TRAF3IP1: variants seen among roughly 807,000 people sequenced by gnomAD.
TRAF3IP1 encodes the protein intraflagellar transport 54, also known as TRAF3-interacting protein 1.
TRAF3IP1 carries 53 observed loss-of-function variants against 89.9 expected under a neutral mutation model. That is an observed-to-expected ratio of 0.59 (90% CI 0.47 to 0.74). TRAF3IP1 has a LOEUF of 0.74. Among genes scored for constraint, TRAF3IP1 ranks in the 30% least tolerant of loss-of-function variants. The probability of loss-of-function intolerance (pLI) is 0.00; values close to 1 mark genes in which losing one functional copy is unlikely to be tolerated. For missense variants in TRAF3IP1, 806 were observed against 866.1 expected (o/e 0.93, Z 0.87); for synonymous variants, 311 against 322.1 (o/e 0.97, Z 0.37).
At chr2:238,321,903 C>G (rs1211980303) in intron 1 of TRAF3IP1, among the ~76,000 whole-genome samples, 1 of 152,230 alleles carries the variant, frequency 6.6e-6, no homozygotes, top group Non-Finnish European at 1.5e-5. Flanking sequence ...ACAGACTTTG[C>G]TTTACTGGTT....
Position 238,320,704 on chromosome 2 carries a change from G to A in TRAF3IP1, c.42G>A (p.Gly14=). 6.9e-7 allele frequency: 1 copy of A among 1,440,054 alleles called. No homozygotes were observed. The allele number at this position is 1,440,054 out of a possible 1,614,324, so 89.2% of individuals were successfully genotyped here. A position where few individuals can be genotyped will look rare whatever the true frequency, so the allele number is the denominator to read the frequency against. The part of the protein sequence containing the change: ...AVVRRTQEAL[G]KVIRRPPLTE... Reference sequence around the variant, plus strand: ...TGAGGCGGACGCAGGAGGCGCTGGGGAAAGTGATTCGGAGGCCGCCGCTGA... The same window carrying A: ...TGAGGCGGACGCAGGAGGCGCTGGGAAAAGTGATTCGGAGGCCGCCGCTGA... The change falls in exon 1 of 17, where the codon GGG becomes GGA. Residue 14 remains glycine (G), a synonymous_variant. Coordinates refer to ENST00000373327, the MANE Select transcript of TRAF3IP1 (RefSeq NM_015650.4).
At chr2:238,349,019 CTATA>C (rs924601841) in intron 11 of TRAF3IP1, among the ~76,000 whole-genome samples, 171 bp downstream of exon 11, 2 of 152,084 alleles carry the variant, frequency 1.3e-5, no homozygotes, top group Non-Finnish European at 2.9e-5. Context: ...AGTTATATCA[CTATA>C]TAGTGATATA....
chr2:238,391,206 C>T (rs985747450), intron 15 of TRAF3IP1, among the ~76,000 whole-genome samples: 14 of 152,172 alleles, frequency 9.2e-5, no homozygotes, highest in Non-Finnish European at 1.9e-4. Flanking sequence ...ATCTGCCCAC[C>T]TCAGCCTCCC....
Position 238,325,371 on chromosome 2 carries a change from G to A in TRAF3IP1, c.189G>A (p.Val63=), listed in dbSNP as rs911864417. ...YTDAEMKSDN[V]KDKDAKISFL... ...ACGCCGAGATGAAGTCTGATAATGT[G>A]AAGGTGGGTTTGAGTCGGGCTTCTC... Residue 63 remains valine (V), a synonymous_variant, in exon 2 of 17, where the codon GTG becomes GTA. Coordinates refer to ENST00000373327, the MANE Select transcript of TRAF3IP1 (RefSeq NM_015650.4). 1 of 1,614,162 alleles carries A rather than the reference G, an allele frequency of 6.2e-7. No homozygotes were observed. Among genetic ancestry groups the A allele is most frequent in the Non-Finnish European group, 8.5e-7 (1 of 1,180,030 alleles).
At position 238,379,647 on chromosome 2, in the gene TRAF3IP1, C is replaced by T. The variant is rs184705555; in HGVS notation, c.1690-17812C>T. Among the ~76,000 whole-genome samples, 15 of 152,298 alleles carry T rather than the reference C, an allele frequency of 9.8e-5. No homozygotes were observed. In the East Asian group the frequency reaches 1.9e-3, roughly 20 times the overall value. On this transcript the variant is annotated intron_variant, in intron 15 of 16. Coordinates refer to ENST00000373327, the MANE Select transcript of TRAF3IP1 (RefSeq NM_015650.4). This position sits in a 1 kb window ranked among gnomAD's most constrained non-coding sequence, Gnocchi z 4.0. ...GGCCACTTCCTGCTGCAGGTTTAGACGGTGGTTTCCTCCCCCGCTCACATG... is the reference window on the plus strand; with the variant it reads ...GGCCACTTCCTGCTGCAGGTTTAGATGGTGGTTTCCTCCCCCGCTCACATG...
Position 238,399,425 on chromosome 2 carries a change from C to T in TRAF3IP1, c.*506C>T, listed in dbSNP as rs1183626025. The T allele has an allele frequency of 6.6e-6, 1 of 152,574 alleles. No homozygotes were observed. The allele number at this position is 152,574 out of a possible 1,614,324, so 9.5% of individuals were successfully genotyped here. ...AATTTCCAATGGAAAGGGCTAACCT[C>T]AGCCTGTCTCCATATCAGGTACCTA... On this transcript the variant is annotated 3_prime_UTR_variant, in exon 17 of 17. Coordinates refer to ENST00000373327, the MANE Select transcript of TRAF3IP1 (RefSeq NM_015650.4).
chr2:238,380,842 C>A (rs1700516072), intron 15 of TRAF3IP1, among the ~76,000 whole-genome samples: 1 of 152,230 alleles, frequency 6.6e-6, no homozygotes, highest in African/African-American at 2.4e-5. Flanking sequence ...TAGCAACCTT[C>A]ATTTTCATGA....
chr2:238,353,034 G>C (rs1302458354), intron 13 of TRAF3IP1, 84 bp downstream of exon 13: 2 of 1,528,576 alleles, frequency 1.3e-6, no homozygotes, highest in Non-Finnish European at 1.8e-6. Context: ...GATTTATGTA[G>C]ACAAAAATGT....
chr2:238,370,103 G>A (rs1396267152), intron 15 of TRAF3IP1, among the ~76,000 whole-genome samples: 2 of 152,172 alleles, frequency 1.3e-5, no homozygotes, highest in South Asian at 4.1e-4. Flanking sequence ...ACTTTTGGAG[G>A]TTCAGCTCTC....
At chr2:238,336,536 A>G (rs1328697589) in intron 7 of TRAF3IP1, among the ~76,000 whole-genome samples, 1 of 152,128 alleles carries the variant, frequency 6.6e-6, no homozygotes, top group Non-Finnish European at 1.5e-5. Context: ...ATTGTTAAAC[A>G]TATTTAGACT....
At chr2:238,325,513 A>C (rs1697781855) in intron 2 of TRAF3IP1, 139 bp downstream of exon 2, 9 of 825,820 alleles carry the variant, frequency 1.1e-5, no homozygotes, top group Non-Finnish European at 1.7e-5. Flanking sequence ...AAATTGATAT[A>C]TATACCCTTT....
At position 238,320,798 on chromosome 2, in the gene TRAF3IP1, GA is replaced by G; in HGVS notation, c.123+14del. The G allele has an allele frequency of 1.4e-6, 2 of 1,405,688 alleles. No individual in the cohort carries two copies. Among genetic ancestry groups the G allele is most frequent in the Non-Finnish European group, 1.9e-6 (2 of 1,063,724 alleles). The allele number at this position is 1,405,688 out of a possible 1,614,324, so 87.1% of individuals were successfully genotyped here. A position where few individuals can be genotyped will look rare whatever the true frequency, so the allele number is the denominator to read the frequency against. On this transcript the variant is annotated intron_variant, in intron 1 of 16. Transcript: ENST00000373327. ...CATCATCACGGAGGTGGGCGCCGGGGACCGGGCCCGGCCAGGTGCGGGTCGG... is the reference window on the plus strand; with the variant it reads ...CATCATCACGGAGGTGGGCGCCGGGGCCGGGCCCGGCCAGGTGCGGGTCGG...
intron 15 of TRAF3IP1, among the ~76,000 whole-genome samples, chr2:238,361,112 T>G (rs1699638948): frequency 6.6e-6 from 1 of 150,854 alleles, no homozygotes; most frequent in East Asian, 2.0e-4. Context: ...GTGGTCTGAA[T>G]CTCGGCTCAC....
chr2:238,335,709 G>A (rs751905778), intron 7 of TRAF3IP1, among the ~76,000 whole-genome samples: 37 of 152,152 alleles, frequency 2.4e-4, no homozygotes, highest in Middle Eastern at 3.4e-3. Flanking sequence ...AACACGTTGC[G>A]TGTACTTGGT....
At chr2:238,388,028 G>A (rs1016866075) in intron 15 of TRAF3IP1, among the ~76,000 whole-genome samples, 1 of 152,128 alleles carries the variant, frequency 6.6e-6, no homozygotes, top group African/African-American at 2.4e-5. Context: ...AGGCTGCAGT[G>A]AGCTGTGATT....
intron 15 of TRAF3IP1, among the ~76,000 whole-genome samples, chr2:238,373,250 G>T (rs1411740350): frequency 6.6e-6 from 1 of 152,140 alleles, no homozygotes. Context: ...TTCTTCTAGG[G>T]TTTTTATGGT....
chr2:238,340,804 C>T (rs1275522195), intron 8 of TRAF3IP1, among the ~76,000 whole-genome samples: 1 of 146,696 alleles, frequency 6.8e-6, no homozygotes, highest in African/African-American at 2.5e-5. Flanking sequence ...GCTTAATGTA[C>T]AGTTATGCGT....
chr2:238,330,050 T>C (rs2106365551), intron 5 of TRAF3IP1, among the ~76,000 whole-genome samples: 1 of 152,340 alleles, frequency 6.6e-6, no homozygotes, highest in South Asian at 2.1e-4. Flanking sequence ...GTGTTGCTTC[T>C]CCCGTGCGTG....
chr2:238,385,296 G>A (rs926880409), intron 15 of TRAF3IP1, among the ~76,000 whole-genome samples: 1 of 152,176 alleles, frequency 6.6e-6, no homozygotes, highest in Non-Finnish European at 1.5e-5. Context: ...GATTACAGGC[G>A]TGAACCGCTG....
Sources: allele counts gnomAD v4.1 joint callset (sites outside exome capture counted in the v4.1 genomes callset), GRCh38; gene constraint gnomAD v4.1.1; non-coding constraint Gnocchi (gnomAD v3.1); transcripts MANE v1.5; gene names NCBI Gene and HGNC (gene_info 2026-07-23, HGNC 2026-07-21).